The following NFXL1 variants were observed in gnomAD, a reference collection of about 807,000 sequenced individuals.
The protein encoded by NFXL1 is nuclear transcription factor, X-box binding like 1.
NFXL1 carries 66 observed loss-of-function variants against 123.3 expected under a neutral mutation model. The ratio of observed to expected loss-of-function variants is 0.54; its 90% CI spans 0.44 to 0.66. The LOEUF (loss-of-function observed/expected upper bound fraction) is 0.66, where lower values mean the gene tolerates loss of function less well. Ranked by LOEUF, NFXL1 falls within the 30% of genes least tolerant of loss-of-function variation. The pLI, the probability that NFXL1 is intolerant of heterozygous loss-of-function variation, is 0.00. For synonymous variants in NFXL1, 346 were observed against 360.8 expected (o/e 0.96, Z 0.46); for missense variants, 944 against 1,125.6 (o/e 0.84, Z 2.31).
At chr4:47,908,256 C>A (rs1489281059) in intron 3 of NFXL1, among the ~76,000 whole-genome samples, 1 of 151,998 alleles carries the variant, frequency 6.6e-6, no homozygotes, top group Non-Finnish European at 1.5e-5. Flanking sequence ...ACTGTCTCTA[C>A]AAAAAAATTC....
At chr4:47,869,091 G>A (rs1219491523) in intron 18 of NFXL1, among the ~76,000 whole-genome samples, 1 of 152,140 alleles carries the variant, frequency 6.6e-6, no homozygotes, top group African/African-American at 2.4e-5. Flanking sequence ...CAGGCGTGGT[G>A]GTATGTGCCT....
intron 19 of NFXL1, among the ~76,000 whole-genome samples, chr4:47,860,092 TAC>T (rs1158715392): frequency 1.3e-5 from 2 of 152,116 alleles, no homozygotes; most frequent in African/African-American, 4.8e-5. Context: ...GTTAATAACA[TAC>T]ATTGTATTCT....
chr4:47,874,053 T>C (rs1735595257), intron 18 of NFXL1, among the ~76,000 whole-genome samples: 1 of 152,236 alleles, frequency 6.6e-6, no homozygotes, highest in Non-Finnish European at 1.5e-5. Context: ...TTCATCTCTC[T>C]CAGTCTTCAC....
intron 12 of NFXL1, 81 bp downstream of exon 12, chr4:47,890,532 C>T (rs1429908617): frequency 1.3e-6 from 1 of 745,000 alleles, no homozygotes; most frequent in Non-Finnish European, 2.3e-6. Flanking sequence ...TATTTCAATA[C>T]ATTATATTGA....
Position 47,851,935 on chromosome 4 carries a change from T to C in NFXL1, c.2429A>G (p.Gln810Arg), listed in dbSNP as rs145622298. 17 of 1,606,868 alleles carry C rather than the reference T, an allele frequency of 1.1e-5. No individual in the cohort carries two copies. The highest frequency in any genetic ancestry group is 1.3e-5 in the African/African-American group (1 of 74,794). ...CTGATTTTCACGTACTTTGTTGCAC[T>C]GCAATTCCTACAAACAACCCGATTT... ...CPCKRIKKEL[Q>R]CNKVRENQVS... is the part of the protein sequence containing the mutation. The change falls in exon 21 of 23, where the codon CAG becomes CGG. Residue 810 changes from glutamine to arginine, a missense_variant. This residue lies in a region of NFXL1 where 301 missense variants were observed against 348.0 expected (regional missense o/e 0.86). Coordinates refer to ENST00000507489, the MANE Select transcript of NFXL1 (RefSeq NM_001278624.2).
At chr4:47,913,188 T>G (rs1737928784) in intron 2 of NFXL1, among the ~76,000 whole-genome samples, 1 of 152,142 alleles carries the variant, frequency 6.6e-6, no homozygotes, top group Non-Finnish European at 1.5e-5. Flanking sequence ...CAAAAAAATG[T>G]ATCCTGAAAT....
At chr4:47,912,997 G>GC (rs1400087961) in intron 2 of NFXL1, among the ~76,000 whole-genome samples, 2 of 113,416 alleles carry the variant, frequency 1.8e-5, no homozygotes, top group Non-Finnish European at 3.4e-5. Flanking sequence ...TGGGCGACCA[G>GC]CGAGACTCTG....
intron 5 of NFXL1, among the ~76,000 whole-genome samples, chr4:47,901,607 A>G (rs1422880244): frequency 1.3e-5 from 2 of 152,234 alleles, no homozygotes; most frequent in South Asian, 2.1e-4. Context: ...ACAGTTTCCA[A>G]AAAGTGTGTA....
chr4:47,894,539 TA>T (rs200680311), intron 10 of NFXL1, among the ~76,000 whole-genome samples: 2,538 of 139,052 alleles, frequency 0.018, 32 homozygotes, highest in African/African-American at 0.041. Context: ...ATTGAATAGT[TA>T]AAAAAAAAAA....
Position 47,885,803 on chromosome 4 carries a change from T to C in NFXL1, c.1664+76A>G, listed in dbSNP as rs941518116. ...AATATTTTAAAACACTAAAGCAAAA[T>C]TAAATTATTAAAAGCCAATATGAAT... On this transcript the variant is annotated intron_variant, in intron 13 of 22. Transcript: ENST00000507489. 202 of 1,521,302 alleles carry C rather than the reference T, an allele frequency of 1.3e-4. No homozygotes were observed. Among genetic ancestry groups the C allele is most frequent in the Non-Finnish European group, 1.7e-4 (185 of 1,120,380 alleles). 94.2% of individuals were successfully genotyped at this position (1,521,302 alleles called of 1,614,324 possible).
chr4:47,902,898 G>A (rs1194989261), intron 5 of NFXL1, among the ~76,000 whole-genome samples: 2 of 152,156 alleles, frequency 1.3e-5, no homozygotes, highest in African/African-American at 4.8e-5. Flanking sequence ...TGGCGTGCCA[G>A]CCTAGTTGGC....
At chr4:47,909,793 G>A (rs1737738575) in intron 3 of NFXL1, among the ~76,000 whole-genome samples, 1 of 151,706 alleles carries the variant, frequency 6.6e-6, no homozygotes, top group African/African-American at 2.4e-5. Flanking sequence ...TGAGTAGCTG[G>A]GATTACAGGT....
chr4:47,893,919 CAGAAATAGTGAT>C, intron 11 of NFXL1, among the ~76,000 whole-genome samples: 1 of 40,564 alleles, frequency 2.5e-5, no homozygotes, highest in East Asian at 1.2e-3. Flanking sequence ...TTTCAGTGAT[CAGAAATAGTGAT>C]CAGAAATATC....
At chr4:47,878,381 A>T (rs1735880735) in intron 17 of NFXL1, 144 bp downstream of exon 17, 2 of 620,348 alleles carry the variant, frequency 3.2e-6, no homozygotes, top group Non-Finnish European at 5.6e-6. Flanking sequence ...CAGCTGTCTT[A>T]GGAAAGGAAA....
chr4:47,878,717 A>G, intron 16 of NFXL1, 52 bp from the exon 17 acceptor site: 1 of 1,356,626 alleles, frequency 7.4e-7, no homozygotes, highest in Non-Finnish European at 9.7e-7. Flanking sequence ...ACGTTTCTGG[A>G]CATATTATAT....
At chr4:47,852,744 C>T (rs12504018) in intron 20 of NFXL1, among the ~76,000 whole-genome samples, 1 of 151,760 alleles carries the variant, frequency 6.6e-6, no homozygotes, top group Non-Finnish European at 1.5e-5. Context: ...TTTTAGACTG[C>T]CTTTTGTAGT....
intron 1 of NFXL1, 60 bp downstream of exon 1, chr4:47,914,305 G>A: frequency 8.6e-6 from 8 of 934,538 alleles, no homozygotes; most frequent in Non-Finnish European, 1.2e-5. Context: ...GAGGGGCCGA[G>A]TGAGGAAGGT....
chr4:47,906,014 C>T (rs932955361), intron 3 of NFXL1, among the ~76,000 whole-genome samples: 2 of 152,170 alleles, frequency 1.3e-5, no homozygotes, highest in Non-Finnish European at 2.9e-5. Flanking sequence ...CTATTATCTT[C>T]ATTTTACAGA....
At position 47,898,703 on chromosome 4, in the gene NFXL1, T is replaced by C. The variant is rs1737229964; in HGVS notation, c.1089+54A>G. The C allele has an allele frequency of 7.6e-6, 9 of 1,180,612 alleles. No homozygotes were observed. The Middle Eastern group carries it at 5.7e-4, about 75-fold the overall frequency. 73.1% of individuals were successfully genotyped at this position (1,180,612 alleles called of 1,614,324 possible). ...ATTAGCCTTGCTGCTTTCTAGGTTG[T>C]CTATGCTTTCTGTACTCTTTAATAC... On this transcript the variant is annotated intron_variant, in intron 8 of 22. Coordinates refer to ENST00000507489, the MANE Select transcript of NFXL1 (RefSeq NM_001278624.2).
Sources: gnomAD v4.1 joint callset for allele counts (sites outside exome capture counted in the v4.1 genomes callset) on GRCh38, gnomAD v4.1.1 for gene constraint, gnomAD v4.1.1 regional missense constraint, MANE v1.5 for transcripts, NCBI Gene and HGNC (gene_info 2026-07-23, HGNC 2026-07-21) for gene names.